The following PCNX2 variants were observed in gnomAD, a reference collection of about 807,000 sequenced individuals.
PCNX2 encodes pecanex 2, also known as pecanex-like protein 2.
A neutral mutation model predicts 223.8 loss-of-function variants in PCNX2; 168 were observed. The ratio of observed to expected loss-of-function variants is 0.75; its 90% CI spans 0.66 to 0.85. The LOEUF is 0.85. PCNX2 is among the 40% of genes least tolerant of loss of function. The probability of loss-of-function intolerance (pLI) is 0.00; values close to 1 mark genes in which losing one functional copy is unlikely to be tolerated. For missense variants in PCNX2, 2,507 were observed against 2,675.5 expected, an observed-to-expected ratio of 0.94 and a Z score of 1.39; for synonymous variants, 1,006 against 1,052.6, an observed-to-expected ratio of 0.96 and a Z score of 0.86.
chr1:233,235,985 T>TAA lies in PCNX2; in HGVS notation c.2358+858_2358+859dup, dbSNP rs1553319677. On this transcript the variant is annotated intron_variant, in intron 9 of 33. Transcript: ENST00000258229. ...ATATATATATATATATATATATATA[T>TAA]AATTATATTATTTTTTCAAAGATGA... Among the ~76,000 whole-genome samples the TAA allele has an allele frequency of 6.0e-3, 855 of 143,598 alleles. 9 individuals are homozygous for TAA. The highest frequency in any genetic ancestry group is 0.02 in the African/African-American group (781 of 39,400). The allele number at this position is 143,598 out of a possible 152,430, so 94.2% of individuals were successfully genotyped here.
intron 9 of PCNX2, chr1:233,231,691 G>A: frequency 1.0e-6 from 1 of 983,814 alleles, no homozygotes; most frequent in Non-Finnish European, 1.2e-6. Context: ...GTGGTCCTTT[G>A]GGGAACTACG....
At chr1:233,129,714 G>C (rs943911462) in intron 21 of PCNX2, among the ~76,000 whole-genome samples, 2 of 152,082 alleles carry the variant, frequency 1.3e-5, no homozygotes, top group African/African-American at 4.8e-5. Context: ...GATCTGGTGG[G>C]GACTTGGAGA....
chr1:233,117,182 T>A (rs1164760037), intron 21 of PCNX2, among the ~76,000 whole-genome samples: 2 of 152,218 alleles, frequency 1.3e-5, no homozygotes, highest in Admixed American at 1.3e-4. Flanking sequence ...CCAGACCAGA[T>A]GGCTTAACTG....
chr1:233,136,281 C>G (rs76372409), intron 20 of PCNX2, among the ~76,000 whole-genome samples: 5,068 of 152,286 alleles, frequency 0.033, 116 homozygotes, highest in African/African-American at 0.067. Context: ...GTATAGAAAA[C>G]TGGGGCCATG....
At chr1:232,984,532 T>C in intron 33 of PCNX2, 55 bp from the exon 34 acceptor site, 2 of 1,558,942 alleles carry the variant, frequency 1.3e-6, no homozygotes, top group Non-Finnish European at 1.7e-6. Flanking sequence ...CACTACCCAC[T>C]TCTAACTGGC....
At chr1:233,320,515 C>T in the PCNX2 span, among the ~76,000 whole-genome samples, 1 of 152,146 alleles carries the variant, frequency 6.6e-6, no homozygotes, top group Non-Finnish European at 1.5e-5. Flanking sequence ...CCTTCCTCAC[C>T]TCTCTAACTC....
chr1:233,092,968 T>G (rs1309423690), intron 22 of PCNX2, among the ~76,000 whole-genome samples: 2 of 152,054 alleles, frequency 1.3e-5, no homozygotes, highest in Non-Finnish European at 2.9e-5. Flanking sequence ...CCGGCTAATT[T>G]TTTTGTATTT....
At chr1:233,271,629 C>T (rs1018377477) in intron 1 of PCNX2, among the ~76,000 whole-genome samples, 13 of 152,148 alleles carry the variant, frequency 8.5e-5, no homozygotes, top group African/African-American at 2.9e-4. Context: ...AGTCTTTGAT[C>T]CATCTTGAGT....
chr1:233,171,647 G>A (rs77593474), intron 17 of PCNX2, among the ~76,000 whole-genome samples: 2 of 152,104 alleles, frequency 1.3e-5, no homozygotes, highest in East Asian at 3.9e-4. Context: ...ACTATGGCTT[G>A]TCTGGTGCGG....
chr1:233,205,611 G>A (rs1002064580), intron 13 of PCNX2, among the ~76,000 whole-genome samples: 3 of 151,868 alleles, frequency 2.0e-5, no homozygotes, highest in Admixed American at 6.6e-5. Flanking sequence ...AGGAAGAATC[G>A]CTTGAACCCA....
intron 17 of PCNX2, among the ~76,000 whole-genome samples, chr1:233,167,466 T>C (rs1678870137): frequency 6.6e-6 from 1 of 152,192 alleles, no homozygotes; most frequent in South Asian, 2.1e-4. Context: ...ATATGTAGGA[T>C]AAACAACTCC....
rs186860232 is a variant in PCNX2, at chr1:233,291,549, G to A, written c.153+3777C>T. The A allele has an allele frequency of 3.7e-3, 1,809 of 489,704 alleles. 5 individuals carry two copies. Among genetic ancestry groups the A allele is most frequent in the South Asian group, 5.1e-3 (59 of 11,554 alleles). The allele number at this position is 489,704 out of a possible 1,614,324, so 30.3% of individuals were successfully genotyped here. On this transcript the variant is annotated intron_variant, in intron 1 of 33. Transcript: ENST00000258229. ...CTTGAACCCGGGAGGTGGAGGTTGC[G>A]GTGAGCCGAGATTGCGCCATTGCAC...
intron 19 of PCNX2, among the ~76,000 whole-genome samples, chr1:233,141,327 TATC>T (rs1282373551): frequency 1.3e-5 from 2 of 152,208 alleles, no homozygotes; most frequent in Non-Finnish European, 2.9e-5. Context: ...TATAAGAATA[TATC>T]ATCTTGGTAA....
intron 23 of PCNX2, among the ~76,000 whole-genome samples, chr1:233,073,565 A>G (rs1672949519): frequency 6.6e-6 from 1 of 150,938 alleles, no homozygotes; most frequent in Admixed American, 6.6e-5. Context: ...CTGAGTAGCT[A>G]GGATTACAGG....
At chr1:233,235,960 ATATATAT>A (rs1558376549) in intron 9 of PCNX2, among the ~76,000 whole-genome samples, 10 of 92,646 alleles carry the variant, frequency 1.1e-4, no homozygotes, top group Admixed American at 3.2e-4. Flanking sequence ...AAAAAAAAAT[ATATATAT>A]ATATATATAT....
intron 25 of PCNX2, among the ~76,000 whole-genome samples, chr1:233,040,134 T>G (rs763168096): frequency 6.6e-6 from 1 of 152,234 alleles, no homozygotes; most frequent in Non-Finnish European, 1.5e-5. Context: ...CTCCTGCTTT[T>G]CAAAGACTTG....
intron 23 of PCNX2, among the ~76,000 whole-genome samples, chr1:233,084,306 G>A (rs1673496169): frequency 6.6e-6 from 1 of 152,188 alleles, no homozygotes; most frequent in Admixed American, 6.5e-5. Flanking sequence ...AGAAAGGCAG[G>A]TCCAAGGATA....
At chr1:233,260,447 C>A (rs1429158260) in intron 4 of PCNX2, among the ~76,000 whole-genome samples, 2 of 152,060 alleles carry the variant, frequency 1.3e-5, no homozygotes, top group Non-Finnish European at 2.9e-5. Context: ...GTATATAAAA[C>A]ACATAAAGTA....
chr1:233,122,761 G>A (rs542321970), intron 21 of PCNX2, among the ~76,000 whole-genome samples: 12 of 152,186 alleles, frequency 7.9e-5, no homozygotes, highest in African/African-American at 2.9e-4. Context: ...GACCTCAGGT[G>A]ATCCACCCAC....
Sources: allele counts gnomAD v4.1 joint callset (sites outside exome capture counted in the v4.1 genomes callset), GRCh38; gene constraint gnomAD v4.1.1; transcripts MANE v1.5; gene names NCBI Gene and HGNC (gene_info 2026-07-23, HGNC 2026-07-21).